CELA1: variants seen among roughly 807,000 people sequenced by gnomAD.
CELA1 encodes chymotrypsin like elastase 1, also known as chymotrypsin-like elastase family member 1.
Under a neutral mutation model 34.8 loss-of-function variants are expected in CELA1, and 28 were observed. The observed-to-expected ratio is 0.80, with a 90% CI of 0.60 to 1.10. The LOEUF is 1.10. Ranked by LOEUF, CELA1 falls within the 50% of genes least tolerant of loss-of-function variation. The pLI, the probability that CELA1 is intolerant of heterozygous loss-of-function variation, is 0.00. For synonymous variants in CELA1, 140 were observed against 129.8 expected, an observed-to-expected ratio of 1.08 and a Z score of -0.53; for missense variants, 288 against 327.5, an observed-to-expected ratio of 0.88 and a Z score of 0.93.
chr12:51,336,813 A>T (rs1439660251), intron 6 of CELA1, among the ~76,000 whole-genome samples: 3 of 152,094 alleles, frequency 2.0e-5, no homozygotes, highest in Non-Finnish European at 4.4e-5. Flanking sequence ...GTTGTTCCAG[A>T]TCCTCCTCCT....
intron 3 of CELA1, 135 bp from the exon 4 acceptor site, chr12:51,342,835 G>T: frequency 1.0e-6 from 1 of 957,330 alleles, no homozygotes; most frequent in South Asian, 1.9e-5. Flanking sequence ...TTTAGAGATG[G>T]GGTTTTGCTG....
chr12:51,337,539 CA>C (rs33950532), intron 6 of CELA1, among the ~76,000 whole-genome samples: 6 of 69,358 alleles, frequency 8.7e-5, no homozygotes, highest in East Asian at 4.3e-4. Context: ...CTTATCTCTT[CA>C]AAAAAAAAAA....
At chr12:51,338,195 G>A (rs1392882909) in intron 6 of CELA1, among the ~76,000 whole-genome samples, 10 of 148,516 alleles carry the variant, frequency 6.7e-5, no homozygotes, top group Admixed American at 6.1e-4. Context: ...CTGAGATTGC[G>A]CCACTGCACT....
At chr12:51,340,803 C>T (rs953159786) in intron 5 of CELA1, among the ~76,000 whole-genome samples, 1 of 151,976 alleles carries the variant, frequency 6.6e-6, no homozygotes, top group African/African-American at 2.4e-5. Flanking sequence ...CTCAGGAGTT[C>T]GAGGCCAGCC....
chr12:51,331,990 C>T (rs1260903670), intron 6 of CELA1, among the ~76,000 whole-genome samples: 1 of 151,990 alleles, frequency 6.6e-6, no homozygotes, highest in Non-Finnish European at 1.5e-5. Flanking sequence ...TGAGACCAGC[C>T]TGGGGTACAA....
chr12:51,342,917 C>T (rs1311111307), intron 3 of CELA1, among the ~76,000 whole-genome samples: 1 of 151,508 alleles, frequency 6.6e-6, no homozygotes, highest in African/African-American at 2.4e-5. Flanking sequence ...GTAGCTGGGA[C>T]TACAGGTGTG....
chr12:51,343,660 G>A, intron 3 of CELA1, 93 bp downstream of exon 3: 1 of 733,722 alleles, frequency 1.4e-6, no homozygotes, highest in East Asian at 2.7e-5. Context: ...TCCCTGAAGT[G>A]CTGTCCAGAG....
chr12:51,345,863 C>T lies in CELA1; in HGVS notation c.31G>A (p.Asp11Asn), dbSNP rs1407466879. 2 of 1,558,578 alleles carry T rather than the reference C, an allele frequency of 1.3e-6. No individual in the cohort carries two copies. The highest frequency in any genetic ancestry group is 1.7e-6 in the Non-Finnish European group (2 of 1,150,436). The change falls in exon 2 of 8, where the codon GAC (aspartate) becomes AAC (asparagine). Residue 11 changes from aspartate (D) to asparagine (N), a missense_variant. Asp to Asn is a conservative substitution (Grantham distance 23, BLOSUM62 1). Transcript: ENST00000293636. ...ACGCGGGCATTGGTTTCCGGAAGGT[C>T]CTGGGTGCTGTGTCCTTTGTGGGGC... MLVLYGHSTQ[D>N]LPETNARVVG...
rs577507468 is a variant in CELA1, at chr12:51,328,619, C to G, written c.760-25G>C. 68 of 1,611,232 alleles carry G rather than the reference C, an allele frequency of 4.2e-5. 1 individual carries two copies. The South Asian group carries it at 6.6e-4, about 16-fold the overall frequency. On this transcript the variant is annotated intron_variant, in intron 7 of 7. Transcript: ENST00000293636. The stretch of plus-strand genomic sequence containing the variant: ...CCTGAAGGAAAGACAGTTATGTCCA[C>G]AGTCAGTAACTCCTGCCTACCTCCT...
chr12:51,328,690 G>T (rs1946450919), intron 7 of CELA1, 96 bp from the exon 8 acceptor site: 1 of 1,411,898 alleles, frequency 7.1e-7, no homozygotes, highest in South Asian at 1.2e-5. Context: ...TTTGTACTGG[G>T]TTTATGGGAA....
intron 7 of CELA1, 92 bp from the exon 8 acceptor site, chr12:51,328,686 C>T (rs1946450885): frequency 6.9e-7 from 1 of 1,454,220 alleles, no homozygotes; most frequent in Non-Finnish European, 9.6e-7. Flanking sequence ...TGGTTTTGTA[C>T]TGGGTTTATG....
At chr12:51,346,270 C>T (rs1458669862) in intron 1 of CELA1, among the ~76,000 whole-genome samples, 1 of 148,484 alleles carries the variant, frequency 6.7e-6, no homozygotes, top group Non-Finnish European at 1.5e-5. Flanking sequence ...GCCTGCAGTG[C>T]ACACCCCAGC....
intron 4 of CELA1, among the ~76,000 whole-genome samples, chr12:51,341,907 T>C (rs1336656898): frequency 6.6e-6 from 1 of 152,166 alleles, no homozygotes; most frequent in Non-Finnish European, 1.5e-5. Context: ...ATAATGTGAA[T>C]AATAAATAAT....
At chr12:51,332,074 A>C (rs1946473193) in intron 6 of CELA1, among the ~76,000 whole-genome samples, 1 of 151,872 alleles carries the variant, frequency 6.6e-6, no homozygotes, top group African/African-American at 2.4e-5. Context: ...AGTCCTGGCT[A>C]CTCAGGAGAT....
At position 51,340,018 on chromosome 12, in the gene CELA1, C is replaced by CA; in HGVS notation, c.464-14dup. On this transcript the variant is annotated splice_polypyrimidine_tract_variant and intron_variant, in intron 5 of 7. Coordinates refer to ENST00000293636, the MANE Select transcript of CELA1 (RefSeq NM_001971.6). ...AGCTGCCCATTGGCTGAACAGGACACACGGCATTGGCAGTCAGCTCCAGAT... is the reference window on the plus strand; with the variant it reads ...AGCTGCCCATTGGCTGAACAGGACACAACGGCATTGGCAGTCAGCTCCAGAT... 2 of 1,610,004 alleles carry CA rather than the reference C, an allele frequency of 1.2e-6. No homozygotes were observed. The highest frequency in any genetic ancestry group is 1.7e-6 in the Non-Finnish European group (2 of 1,178,198).
At chr12:51,342,783 C>G in intron 3 of CELA1, 83 bp from the exon 4 acceptor site, 1 of 1,334,312 alleles carries the variant, frequency 7.5e-7, no homozygotes, top group South Asian at 1.5e-5. Flanking sequence ...GAAAAACCAT[C>G]TTTTTTTTTA....
intron 1 of CELA1, among the ~76,000 whole-genome samples, 173 bp from the exon 2 acceptor site, chr12:51,346,050 G>C (rs1370854216): frequency 6.6e-6 from 1 of 152,088 alleles, no homozygotes; most frequent in Non-Finnish European, 1.5e-5. Flanking sequence ...TTTGAAAACA[G>C]GGGTGCCTGG....
In CELA1 at chr12:51,345,776, G is replaced by C. The variant is rs372331027; in HGVS notation, c.99+19C>G. On this transcript the variant is annotated intron_variant, in intron 2 of 7. Transcript: ENST00000293636. ...GCTCTTATTTGGGTGGAAGTCTGGGGCTGGGAAGGAACACCCACCTGAGAG... is the reference window on the plus strand; with the variant it reads ...GCTCTTATTTGGGTGGAAGTCTGGGCCTGGGAAGGAACACCCACCTGAGAG... The C allele has an allele frequency of 3.2e-4, 496 of 1,534,100 alleles. No homozygotes were observed. Among genetic ancestry groups the C allele is most frequent in the South Asian group, 1.9e-3 (162 of 83,758 alleles).
chr12:51,332,907 C>A (rs1946478411), intron 6 of CELA1, among the ~76,000 whole-genome samples: 1 of 151,780 alleles, frequency 6.6e-6, no homozygotes, highest in African/African-American at 2.4e-5. Context: ...GGGAAAGAGA[C>A]CAAAATTTCA....
Sources: gnomAD v4.1 joint callset for allele counts (sites outside exome capture counted in the v4.1 genomes callset) on GRCh38, gnomAD v4.1.1 for gene constraint, MANE v1.5 for transcripts, NCBI Gene and HGNC (gene_info 2026-07-23, HGNC 2026-07-21) for gene names.